Variants in VWF observed in about 807,000 individuals in gnomAD.
VWF encodes von Willebrand factor, also known as Factor VIII related antigen.
Under a neutral mutation model 308.6 loss-of-function variants are expected in VWF, and 176 were observed. That is an observed-to-expected ratio of 0.57 (90% confidence interval 0.50 to 0.65). The LOEUF (loss-of-function observed/expected upper bound fraction) is 0.65, where lower values mean the gene tolerates loss of function less well. Among genes scored for constraint, VWF ranks in the 30% least tolerant of loss-of-function variants. The probability of loss-of-function intolerance (pLI) is 0.00; values close to 1 mark genes in which losing one functional copy is unlikely to be tolerated. For synonymous variants in VWF, 1,385 were observed against 1,443.4 expected, an observed-to-expected ratio of 0.96 and a Z score of 0.92; for missense variants, 3,146 against 3,648.2, an observed-to-expected ratio of 0.86 and a Z score of 3.55.
rs1487321757 is a variant in VWF, at chr12:5,980,208, TAGGTAGGGAGGGAGGG to T, written c.7287+1562_7287+1577del. 7.9e-3 allele frequency among the ~76,000 whole-genome samples: 165 copies of T among 20,794 alleles called. 6 individuals carry two copies. The highest frequency in any genetic ancestry group is 0.016 in the African/African-American group (79 of 5,066). 13.6% of individuals were successfully genotyped at this position (20,794 alleles called of 152,430 possible). On this transcript the variant is annotated intron_variant, in intron 42 of 51. Coordinates refer to ENST00000261405, the MANE Select transcript of VWF (RefSeq NM_000552.5). ...GAGGGAAGGAAGGAAGTGACGTAGG[TAGGTAGGGAGGGAGGG>T]AGGGAGGGAGGGAGGGAAGGAAGGA...
chr12:6,073,397 T>G (rs1591900826), intron 8 of VWF, among the ~76,000 whole-genome samples: 1 of 152,126 alleles, frequency 6.6e-6, no homozygotes, highest in Non-Finnish European at 1.5e-5. Flanking sequence ...CCAATTTCCC[T>G]CAACACAAGT....
At chr12:5,980,103 G>A (rs1419792781) in intron 42 of VWF, among the ~76,000 whole-genome samples, 3 of 21,174 alleles carry the variant, frequency 1.4e-4, no homozygotes, top group Non-Finnish European at 1.3e-4. Flanking sequence ...AGGAAGGAAG[G>A]AAGGAAGGAA....
chr12:6,018,626 C>T lies in VWF; in HGVS notation c.4792G>A (p.Glu1598Lys), dbSNP rs753701755. 3 of 1,613,960 alleles carry T rather than the reference C, an allele frequency of 1.9e-6. No individual in the cohort carries two copies. The highest frequency in any genetic ancestry group is 2.5e-6 in the Non-Finnish European group (3 of 1,179,976). Reference sequence around the variant, plus strand: ...ATGTAGACCAGGTTGGGCGCCTGCTCCCGGTCACCCTGGCTGACCAAGAAG... The same window carrying T: ...ATGTAGACCAGGTTGGGCGCCTGCTTCCGGTCACCCTGGCTGACCAAGAAG... ...HSFLVSQGDR[E>K]QAPNLVYMVT... Residue 1598 changes from glutamate to lysine, a missense_variant, in exon 28 of 52, where the codon GAG (glutamate) becomes AAG (lysine). By Grantham distance (56) the Glu-to-Lys change is moderately conservative. Coordinates refer to ENST00000261405, the MANE Select transcript of VWF (RefSeq NM_000552.5).
chr12:6,091,220 T>C (rs1945030948), intron 6 of VWF, among the ~76,000 whole-genome samples: 1 of 145,270 alleles, frequency 6.9e-6, no homozygotes, highest in African/African-American at 2.6e-5. Flanking sequence ...AATTGTTCCA[T>C]GAAGATGAAG....
At chr12:5,997,059 G>A (rs1185414158) in intron 34 of VWF, among the ~76,000 whole-genome samples, 2 of 152,106 alleles carry the variant, frequency 1.3e-5, no homozygotes, top group Middle Eastern at 3.2e-3. Context: ...GGTGGAGCAG[G>A]GAGGCCCCAC....
At chr12:6,082,437 C>A (rs192021993) in intron 6 of VWF, among the ~76,000 whole-genome samples, 2 of 152,078 alleles carry the variant, frequency 1.3e-5, no homozygotes, top group Non-Finnish European at 2.9e-5. Flanking sequence ...AGGGGCCCTG[C>A]GATTAAACAG....
chr12:6,031,427 G>A lies in VWF; in HGVS notation c.2820+17C>T, dbSNP rs765452810. 6.2e-7 allele frequency: 1 copy of A among 1,614,156 alleles called. No individual in the cohort carries two copies. The highest frequency in any genetic ancestry group is 1.1e-5 in the South Asian group (1 of 91,084). On this transcript the variant is annotated intron_variant, in intron 21 of 51. Coordinates refer to ENST00000261405, the MANE Select transcript of VWF (RefSeq NM_000552.5). Reference sequence around the variant, plus strand: ...GCACAAAGCGGGACATGAGGGTGGAGATGAGGCTGCACTTACCTCCCCGTC... The same window carrying A: ...GCACAAAGCGGGACATGAGGGTGGAAATGAGGCTGCACTTACCTCCCCGTC...
intron 40 of VWF, among the ~76,000 whole-genome samples, chr12:5,983,579 TTA>T (rs1200071752): frequency 3.5e-5 from 5 of 142,618 alleles, no homozygotes; most frequent in Non-Finnish European, 7.9e-5. Context: ...GATACACAGC[TTA>T]GAGAGAGATA....
At chr12:6,117,722 G>A (rs1303320082) in intron 3 of VWF, among the ~76,000 whole-genome samples, 1 of 152,200 alleles carries the variant, frequency 6.6e-6, no homozygotes, top group East Asian at 1.9e-4. Flanking sequence ...GGCTGAGGCA[G>A]GAGAATCGCT....
At chr12:6,013,787 A>G (rs1385789537) in intron 31 of VWF, 142 bp from the exon 32 acceptor site, 1 of 935,496 alleles carries the variant, frequency 1.1e-6, no homozygotes, top group African/African-American at 1.6e-5. Flanking sequence ...GAAGATGTTC[A>G]GTCAACAGAT....
Position 6,020,706 on chromosome 12 carries a change from C to A in VWF, c.3675-963G>T, listed in dbSNP as rs1944120237. Among the ~76,000 whole-genome samples, 1 of 152,252 alleles carries A rather than the reference C, an allele frequency of 6.6e-6. No individual in the cohort carries two copies. Among genetic ancestry groups the A allele is most frequent in the Non-Finnish European group, 1.5e-5 (1 of 68,042 alleles). On this transcript the variant is annotated intron_variant, in intron 27 of 51. Transcript: ENST00000261405. This position sits in a 1 kb window ranked among gnomAD's most constrained non-coding sequence, Gnocchi z 4.3. ...GACTCTCAGCCTTGGAGGCACCTGG[C>A]CTTCAGCACTCCCAGTAAAGCTGAC...
At position 5,953,582 on chromosome 12, in the gene VWF, C is replaced by G; in HGVS notation, c.7900G>C (p.Glu2634Gln). Residue 2634 changes from glutamate (E) to glutamine (Q), a missense_variant, in exon 48 of 52, where the codon GAA (glutamate) becomes CAA (glutamine). By Grantham distance (29) the Glu-to-Gln change is conservative. Coordinates refer to ENST00000261405, the MANE Select transcript of VWF (RefSeq NM_000552.5). ...CCACAACATTCACCTGTGTTATTTT[C>G]TTCCTTGTAACCCTGCATCCAGAGG... is the stretch of plus-strand genomic sequence containing the variant. The part of the protein sequence containing the change: ...CNPCPLGYKE[E>Q]NNTGECCGRC... The G allele has an allele frequency of 1.2e-6, 2 of 1,614,146 alleles. No homozygotes were observed. The highest frequency in any genetic ancestry group is 1.7e-6 in the Non-Finnish European group (2 of 1,180,000).
Position 6,025,991 on chromosome 12 carries a change from G to T in VWF, c.3023C>A (p.Thr1008Asn), listed in dbSNP as rs374126602. The change falls in exon 23 of 52, where the codon ACC (threonine) becomes AAC (asparagine). Residue 1008 changes from threonine to asparagine, a missense_variant. Around this residue, in one of 3 missense-constraint regions of VWF, gnomAD observed 1,304 missense variants for 1,353.0 expected, o/e 0.96. Transcript: ENST00000261405. ...NFDGIQNNDL[T>N]SSNLQVEEDP... ...TTCCTCCACTTGGAGGTTGCTGCTG[G>T]TGAGGTCATTGTTCTGGATGCCATC... 25 of 1,613,842 alleles carry T rather than the reference G, an allele frequency of 1.5e-5. No homozygotes were observed. The highest frequency in any genetic ancestry group is 2.1e-5 in the Non-Finnish European group (25 of 1,179,886).
Position 6,044,293 on chromosome 12 carries a change from T to C in VWF, c.2440A>G (p.Met814Val), listed in dbSNP as rs753783777. The C allele has an allele frequency of 6.2e-7, 1 of 1,614,102 alleles. No individual in the cohort carries two copies. Among genetic ancestry groups the C allele is most frequent in the Non-Finnish European group, 8.5e-7 (1 of 1,179,990 alleles). Residue 814 changes from methionine (M) to valine (V), a missense_variant and splice_region_variant, in exon 18 of 52, where the codon ATG (methionine) becomes GTG (valine). By Grantham distance (21) the Met-to-Val change is conservative. Coordinates refer to ENST00000261405, the MANE Select transcript of VWF (RefSeq NM_000552.5). ...CAGCTCTGTGCCTGGTGACTCACCA[T>C]GCCCGGGGGGCAGAGGCAGCCAGAG... ...CVSGCLCPPG[M>V]VRHENRCVAL...
chr12:6,044,143 C>T, intron 18 of VWF, 148 bp downstream of exon 18: 1 of 1,053,940 alleles, frequency 9.5e-7, no homozygotes, highest in African/African-American at 1.6e-5. Flanking sequence ...AGCCTCCCCT[C>T]CTCCATGCCC....
chr12:6,064,147 G>C, intron 12 of VWF, 99 bp downstream of exon 12: 1 of 1,576,446 alleles, frequency 6.3e-7, no homozygotes, highest in Non-Finnish European at 8.7e-7. Flanking sequence ...CATGGAAGAG[G>C]CATGCAGGTC....
chr12:6,013,935 T>C (rs1291886232), intron 31 of VWF, among the ~76,000 whole-genome samples: 1 of 151,754 alleles, frequency 6.6e-6, no homozygotes, highest in African/African-American at 2.4e-5. Context: ...AGTAAATATA[T>C]AGAATTTCAG....
At chr12:6,076,086 C>G (rs777516245) in intron 6 of VWF, among the ~76,000 whole-genome samples, 4 of 151,480 alleles carry the variant, frequency 2.6e-5, no homozygotes, top group Non-Finnish European at 2.9e-5. Flanking sequence ...TTTTTTTAAA[C>G]ACTCCCCAGG....
chr12:5,989,628 T>C (rs1386019354), intron 38 of VWF, among the ~76,000 whole-genome samples: 1 of 152,228 alleles, frequency 6.6e-6, no homozygotes, highest in African/African-American at 2.4e-5. Context: ...ACAACTTGAA[T>C]GCATATTCTA....
Sources: allele counts gnomAD v4.1 joint callset (sites outside exome capture counted in the v4.1 genomes callset), GRCh38; gene constraint gnomAD v4.1.1; regional missense constraint gnomAD v4.1.1; non-coding constraint Gnocchi (gnomAD v3.1); transcripts MANE v1.5; gene names NCBI Gene and HGNC (gene_info 2026-07-23, HGNC 2026-07-21).